Variants in SLC1A2 observed in about 807,000 individuals in gnomAD.
SLC1A2 encodes excitatory amino acid transporter 2.
In SLC1A2, 15 loss-of-function variants were observed where a neutral mutation model predicts 48.8. The observed-to-expected ratio is 0.31, with a 90% CI of 0.21 to 0.47. The LOEUF is 0.47. SLC1A2 is among the 20% of genes least tolerant of loss of function. The probability of loss-of-function intolerance (pLI) is 0.99; values close to 1 mark genes in which losing one functional copy is unlikely to be tolerated. For missense variants in SLC1A2, 502 were observed against 730.5 expected (o/e 0.69, Z 3.61); for synonymous variants, 279 against 272.6 (o/e 1.02, Z -0.23).
At chr11:35,281,653 GCATCT>G (rs1437682000) in intron 8 of SLC1A2, among the ~76,000 whole-genome samples, 1 of 152,104 alleles carries the variant, frequency 6.6e-6, no homozygotes, top group East Asian at 1.9e-4. Flanking sequence ...TCTTTCTGAA[GCATCT>G]CATCAGTTCT....
intron 1 of SLC1A2, among the ~76,000 whole-genome samples, chr11:35,412,600 G>C (rs1590292575): frequency 6.6e-6 from 1 of 152,282 alleles, no homozygotes; most frequent in Non-Finnish European, 1.5e-5. Flanking sequence ...GGCATCCTTA[G>C]CTCATCACTG....
intron 1 of SLC1A2, among the ~76,000 whole-genome samples, chr11:35,406,369 T>G (rs772426038): frequency 1.3e-5 from 2 of 152,082 alleles, no homozygotes; most frequent in African/African-American, 2.4e-5. Flanking sequence ...TTGTAATTGA[T>G]GCAGTGAAGG....
intron 6 of SLC1A2, among the ~76,000 whole-genome samples, chr11:35,293,215 G>A (rs1407196421): frequency 3.9e-5 from 6 of 152,058 alleles, no homozygotes; most frequent in Admixed American, 1.3e-4. Flanking sequence ...ATTGCAACGT[G>A]GCAAATAAAG....
At chr11:35,389,745 C>T (rs542958017) in intron 1 of SLC1A2, among the ~76,000 whole-genome samples, 2 of 152,224 alleles carry the variant, frequency 1.3e-5, no homozygotes, top group South Asian at 4.2e-4. Flanking sequence ...GCTGAGATTA[C>T]AGGCATGAGC....
intron 1 of SLC1A2, among the ~76,000 whole-genome samples, chr11:35,397,257 C>A (rs1854993583): frequency 6.7e-6 from 1 of 148,446 alleles, no homozygotes; most frequent in South Asian, 2.2e-4. Flanking sequence ...CCGGAGGCAT[C>A]ACGCTACCTG....
At chr11:35,339,803 G>T (rs1036763709) in intron 1 of SLC1A2, among the ~76,000 whole-genome samples, 1 of 152,134 alleles carries the variant, frequency 6.6e-6, no homozygotes, top group African/African-American at 2.4e-5. Context: ...ATATTGCTGA[G>T]AGTAGCAGCT....
upstream of SLC1A2, chr11:35,419,790 G>C (rs1855731767): frequency 3.0e-6 from 1 of 328,140 alleles, no homozygotes; most frequent in Admixed American, 3.9e-5. The surrounding 1 kb of genome is among the most constrained non-coding windows in gnomAD (Gnocchi z 5.4). Context: ...ACCCCGTGCG[G>C]GGTGAAGCGC....
At chr11:35,360,103 T>C in intron 1 of SLC1A2, 1 of 985,132 alleles carries the variant, frequency 1.0e-6, no homozygotes, top group Non-Finnish European at 1.2e-6. Flanking sequence ...GAGCTGTGCC[T>C]TCCATCACAG....
chr11:35,384,394 C>A (rs1392936583), intron 1 of SLC1A2, among the ~76,000 whole-genome samples: 2 of 152,214 alleles, frequency 1.3e-5, no homozygotes, highest in African/African-American at 2.4e-5. Context: ...TGATTTCATC[C>A]TTTAATCCCA....
intron 1 of SLC1A2, among the ~76,000 whole-genome samples, chr11:35,342,198 T>G (rs992507991): frequency 1.3e-5 from 2 of 152,242 alleles, no homozygotes; most frequent in African/African-American, 4.8e-5. Context: ...TGTATCATGC[T>G]GTACAATTAA....
intron 1 of SLC1A2, among the ~76,000 whole-genome samples, chr11:35,357,871 GT>G (rs1212189884): frequency 2.0e-5 from 3 of 152,188 alleles, no homozygotes; most frequent in Non-Finnish European, 4.4e-5. Flanking sequence ...GAAAGGCAGT[GT>G]GCCATGGCTC....
chr11:35,332,038 G>T (rs1852447921), intron 1 of SLC1A2, among the ~76,000 whole-genome samples: 1 of 152,146 alleles, frequency 6.6e-6, no homozygotes, highest in African/African-American at 2.4e-5. Flanking sequence ...GACCTTATCA[G>T]CTTAAGCATC....
intron 1 of SLC1A2, among the ~76,000 whole-genome samples, chr11:35,340,327 C>A (rs1221369659): frequency 6.6e-6 from 1 of 152,216 alleles, no homozygotes; most frequent in African/African-American, 2.4e-5. Flanking sequence ...CAGGGCAACG[C>A]TGGCACAGAG....
chr11:35,418,723 T>C (rs1256309442), intron 1 of SLC1A2: 1 of 559,482 alleles, frequency 1.8e-6, no homozygotes, highest in South Asian at 2.2e-5. Flanking sequence ...ACCCTTTTTA[T>C]CAAAATAAAA....
intron 1 of SLC1A2, chr11:35,391,609 C>T (rs957300291): frequency 6.6e-6 from 1 of 152,258 alleles, no homozygotes; most frequent in Non-Finnish European, 1.5e-5. Context: ...GTCAACCAGT[C>T]TAGAAGGAAA....
intron 9 of SLC1A2, among the ~76,000 whole-genome samples, chr11:35,269,088 G>A (rs1037520200): frequency 1.3e-5 from 2 of 152,176 alleles, no homozygotes; most frequent in East Asian, 1.9e-4. Flanking sequence ...CACAAGGGTG[G>A]AGCCTTCATG....
At chr11:35,275,222 GC>G (rs754764180) in intron 9 of SLC1A2, among the ~76,000 whole-genome samples, 6 of 152,218 alleles carry the variant, frequency 3.9e-5, no homozygotes, top group Non-Finnish European at 8.8e-5. Context: ...CCTTCTAAGT[GC>G]CGTCTCAACT....
chr11:35,337,859 T>G (rs1197586914), intron 1 of SLC1A2, among the ~76,000 whole-genome samples: 1 of 152,198 alleles, frequency 6.6e-6, no homozygotes, highest in East Asian at 1.9e-4. Flanking sequence ...GAAACAGTCC[T>G]GGAATACACT....
intron 9 of SLC1A2, among the ~76,000 whole-genome samples, chr11:35,269,762 G>C (rs1850225988): frequency 6.6e-6 from 1 of 152,072 alleles, no homozygotes; most frequent in Non-Finnish European, 1.5e-5. Flanking sequence ...AAGAACTCTG[G>C]CCAATGAAAT....
Sources: allele counts gnomAD v4.1 joint callset (sites outside exome capture counted in the v4.1 genomes callset), GRCh38; gene constraint gnomAD v4.1.1; non-coding constraint Gnocchi (gnomAD v3.1); transcripts MANE v1.5; gene names NCBI Gene and HGNC (gene_info 2026-07-23, HGNC 2026-07-21).